Variants in GLRA2 observed in about 807,000 individuals in gnomAD.
GLRA2 encodes the protein glycine receptor alpha 2, also known as glycine receptor subunit alpha-2.
A neutral mutation model predicts 31.6 loss-of-function variants in GLRA2; 11 were observed. The observed-to-expected ratio is 0.35, with a 90% confidence interval of 0.22 to 0.58. GLRA2 has a LOEUF of 0.58. Among genes scored for constraint, GLRA2 ranks in the 20% least tolerant of loss-of-function variants. The pLI is 0.84. For missense variants in GLRA2, 212 were observed against 351.8 expected (o/e 0.60, Z 3.18); for synonymous variants, 132 against 134.0 (o/e 0.99, Z 0.10).
At chrX:14,684,467 T>C (rs2091252441) in intron 7 of GLRA2, among the ~76,000 whole-genome samples, 1 of 111,703 alleles carries the variant, frequency 9.0e-6, no homozygotes, top group Non-Finnish European at 1.9e-5. Context: ...TGTTCTTCCA[T>C]TTGTTTGTGT....
At chrX:14,493,504 C>CATATAT in the GLRA2 span, among the ~76,000 whole-genome samples, 11 of 101,222 alleles carry the variant, frequency 1.1e-4, no homozygotes, top group African/African-American at 3.2e-4. Context: ...TAAGGCTGAA[C>CATATAT]ATATATATAT....
At chrX:14,498,694 A>G in the GLRA2 span, among the ~76,000 whole-genome samples, 1 of 111,036 alleles carries the variant, frequency 9.0e-6, no homozygotes, top group African/African-American at 3.3e-5. Flanking sequence ...TGATCCATCA[A>G]ACACTAGGTC....
chrX:14,634,201 G>A (rs1370041833), intron 7 of GLRA2, among the ~76,000 whole-genome samples: 4 of 111,451 alleles, frequency 3.6e-5, no homozygotes, highest in African/African-American at 6.5e-5. Context: ...CACCTGCCTC[G>A]GCCTCCCAAA....
At chrX:14,508,693 G>A in the GLRA2 span, among the ~76,000 whole-genome samples, 3 of 111,770 alleles carry the variant, frequency 2.7e-5, no homozygotes, top group African/African-American at 9.7e-5. Context: ...TACACTTCAT[G>A]CCTAGAATAG....
At chrX:14,692,309 GTTTC>G (rs1402552247) in intron 8 of GLRA2, among the ~76,000 whole-genome samples, 2 of 112,191 alleles carry the variant, frequency 1.8e-5, no homozygotes, top group African/African-American at 6.5e-5. Flanking sequence ...TGGTGCTAAC[GTTTC>G]TTTAATCACA....
chrX:14,460,696 G>T, the GLRA2 span, among the ~76,000 whole-genome samples: 1 of 112,138 alleles, frequency 8.9e-6, no homozygotes, highest in Non-Finnish European at 1.9e-5. Flanking sequence ...TGTGGAATCA[G>T]TGGTGATATC....
the GLRA2 span, among the ~76,000 whole-genome samples, chrX:14,458,206 C>A: frequency 9.9e-5 from 11 of 110,756 alleles, no homozygotes; most frequent in South Asian, 3.8e-4. Context: ...TGAACTCATC[C>A]TTTTTTATGG....
In GLRA2 at chrX:14,563,085, C is replaced by T. The variant is rs138908125; in HGVS notation, c.203-11248C>T. Among the ~76,000 whole-genome samples, 289 of 112,281 alleles carry T rather than the reference C, an allele frequency of 2.6e-3. 2 individuals carry two copies. The highest frequency in any genetic ancestry group is 8.3e-3 in the African/African-American group (257 of 30,963). On this transcript the variant is annotated intron_variant, in intron 2 of 8. Transcript: ENST00000218075. ...GGAAATTAGGACATTCAAAATCGAC[C>T]ATGCATATGGCAAATTTAGAAAGCC...
intron 1 of GLRA2, chrX:14,531,271 G>C: frequency 2.4e-6 from 1 of 415,282 alleles, no homozygotes. Context: ...TCTTTGAAAA[G>C]CTGGCAAGAA....
the GLRA2 span, among the ~76,000 whole-genome samples, chrX:14,472,662 G>A: frequency 1.8e-5 from 2 of 111,625 alleles, no homozygotes; most frequent in African/African-American, 6.5e-5. Flanking sequence ...TTAGTTTGCT[G>A]AGAATAATGG....
At chrX:14,651,030 A>G (rs1284680992) in intron 7 of GLRA2, among the ~76,000 whole-genome samples, 1 of 112,301 alleles carries the variant, frequency 8.9e-6, no homozygotes, top group Non-Finnish European at 1.9e-5. Context: ...GCTTATTATG[A>G]CATTAGTAAA....
At chrX:14,463,532 G>A in the GLRA2 span, among the ~76,000 whole-genome samples, 49 of 111,467 alleles carry the variant, frequency 4.4e-4, no homozygotes, top group African/African-American at 1.5e-3. Flanking sequence ...CTGCAGCTTT[G>A]TTTACACTGT....
intron 8 of GLRA2, among the ~76,000 whole-genome samples, chrX:14,698,326 T>C (rs1324642524): frequency 9.0e-6 from 1 of 111,340 alleles, no homozygotes; most frequent in African/African-American, 3.3e-5. Flanking sequence ...AACTACTAAA[T>C]TAATTTTCAC....
the GLRA2 span, among the ~76,000 whole-genome samples, chrX:14,519,175 TATA>T: frequency 9.0e-6 from 1 of 110,768 alleles, no homozygotes; most frequent in Admixed American, 9.7e-5. Context: ...TGTGTAAGTG[TATA>T]ATATTTCATC....
intron 4 of GLRA2, among the ~76,000 whole-genome samples, chrX:14,602,480 G>T (rs2090287928): frequency 9.2e-6 from 1 of 108,393 alleles, no homozygotes; most frequent in African/African-American, 3.4e-5. Context: ...TTGGTTACAT[G>T]ACTTAAGTTC....
At chrX:14,577,762 C>T (rs1417860847) in intron 3 of GLRA2, among the ~76,000 whole-genome samples, 1 of 111,663 alleles carries the variant, frequency 9.0e-6, no homozygotes, top group Non-Finnish European at 1.9e-5. Flanking sequence ...AGAATTTCAA[C>T]ATATGAATTT....
intron 7 of GLRA2, among the ~76,000 whole-genome samples, chrX:14,644,914 T>C (rs767413911): frequency 9.8e-5 from 11 of 112,059 alleles, no homozygotes; most frequent in Non-Finnish European, 1.9e-4. Flanking sequence ...CTTCTACCTT[T>C]CTAGTGCTGA....
chrX:14,593,532 AG>A (rs1479910432), intron 4 of GLRA2, among the ~76,000 whole-genome samples: 1 of 112,518 alleles, frequency 8.9e-6, no homozygotes, highest in East Asian at 2.8e-4. Flanking sequence ...GAAAGCAAAA[AG>A]TATGCTAGGG....
chrX:14,496,700 A>G, the GLRA2 span, among the ~76,000 whole-genome samples: 1 of 112,153 alleles, frequency 8.9e-6, no homozygotes, highest in Admixed American at 9.5e-5. Context: ...CTTGCTGTCA[A>G]ACGTCAGGCC....
Sources: allele counts gnomAD v4.1 joint callset (sites outside exome capture counted in the v4.1 genomes callset), GRCh38; gene constraint gnomAD v4.1.1; transcripts MANE v1.5; gene names NCBI Gene and HGNC (gene_info 2026-07-23, HGNC 2026-07-21).